HUNK: variants seen among roughly 807,000 people sequenced by gnomAD.
HUNK encodes hormonally up-regulated neu tumor-associated kinase.
In HUNK, 21 loss-of-function variants were observed where a neutral mutation model predicts 61.0. The ratio of observed to expected loss-of-function variants is 0.34; its 90% CI spans 0.24 to 0.50. The LOEUF (loss-of-function observed/expected upper bound fraction) is 0.50. HUNK is among the 20% of genes least tolerant of loss of function. HUNK has a pLI of 0.98. For synonymous variants in HUNK, 371 were observed against 386.1 expected, an observed-to-expected ratio of 0.96 and a Z score of 0.46; for missense variants, 772 against 945.7, an observed-to-expected ratio of 0.82 and a Z score of 2.41.
At chr21:31,875,466 G>A (rs1296102838) in intron 1 of HUNK, among the ~76,000 whole-genome samples, 1 of 152,196 alleles carries the variant, frequency 6.6e-6, no homozygotes, top group Non-Finnish European at 1.5e-5. Flanking sequence ...TGCAAAAAAG[G>A]AGCGTTCAGT....
intron 10 of HUNK, 122 bp downstream of exon 10, chr21:31,996,070 A>G: frequency 1.3e-6 from 1 of 778,670 alleles, no homozygotes; most frequent in Non-Finnish European, 2.0e-6. Context: ...CCCACAGAAA[A>G]GCAGGATTAA....
chr21:31,953,190 C>T lies in HUNK; in HGVS notation c.747-5653C>T, dbSNP rs549900257. 2.0e-5 allele frequency among the ~76,000 whole-genome samples: 3 copies of T among 151,286 alleles called. No homozygotes were observed. In the East Asian group the frequency reaches 5.8e-4, roughly 29 times the overall value. On this transcript the variant is annotated intron_variant, in intron 4 of 10. Coordinates refer to ENST00000270112, the MANE Select transcript of HUNK (RefSeq NM_014586.2). ...AATTAAGATGCTTAATCTGGTTTCC[C>T]TTTTTAAAATCTCCTAGCTAGGAGT...
chr21:31,881,816 C>T (rs186739149), intron 1 of HUNK, among the ~76,000 whole-genome samples: 236 of 152,316 alleles, frequency 1.5e-3, no homozygotes, highest in South Asian at 3.7e-3. Flanking sequence ...AATGAGGGAG[C>T]AGCCGGCGTG....
intron 5 of HUNK, among the ~76,000 whole-genome samples, chr21:31,960,639 G>C (rs558249164): frequency 1.3e-5 from 2 of 152,294 alleles, no homozygotes; most frequent in East Asian, 1.9e-4. Flanking sequence ...AGAGCAAAGG[G>C]ACATCTTAGA....
At chr21:31,893,720 ATTAGTATG>A (rs896442886) in intron 1 of HUNK, among the ~76,000 whole-genome samples, 2 of 152,222 alleles carry the variant, frequency 1.3e-5, no homozygotes, top group South Asian at 2.1e-4. Context: ...GAGTTACCAG[ATTAGTATG>A]GTTTGAGAAA....
chr21:31,988,912 C>G (rs1002102245), intron 8 of HUNK, among the ~76,000 whole-genome samples: 2 of 151,594 alleles, frequency 1.3e-5, no homozygotes, highest in African/African-American at 2.4e-5. Context: ...TTCATTTCAG[C>G]CTTGACCTCC....
At chr21:31,931,094 A>G (rs546017557) in intron 2 of HUNK, among the ~76,000 whole-genome samples, 1 of 141,902 alleles carries the variant, frequency 7.0e-6, no homozygotes, top group East Asian at 2.0e-4. Flanking sequence ...AAAAAAAATC[A>G]TGTTCCCTGC....
chr21:31,941,293 TTTC>T (rs1447626351), intron 3 of HUNK, among the ~76,000 whole-genome samples: 2 of 151,370 alleles, frequency 1.3e-5, no homozygotes, highest in Non-Finnish European at 2.9e-5. Flanking sequence ...AGGATTTTCT[TTTC>T]TTTTCTCTCT....
At chr21:31,981,547 A>C (rs903684111) in intron 7 of HUNK, among the ~76,000 whole-genome samples, 3 of 152,136 alleles carry the variant, frequency 2.0e-5, no homozygotes, top group Non-Finnish European at 2.9e-5. Context: ...TCAGTGTCTT[A>C]TAGTTTTCAG....
rs140666537 is a variant in HUNK, at chr21:31,946,623, G to GTT, written c.746+460_746+461dup. 4.3e-3 allele frequency among the ~76,000 whole-genome samples: 652 copies of GTT among 150,800 alleles called. 3 individuals carry two copies. The highest frequency in any genetic ancestry group is 0.014 in the Middle Eastern group (4 of 290). On this transcript the variant is annotated intron_variant, in intron 4 of 10. Coordinates refer to ENST00000270112, the MANE Select transcript of HUNK (RefSeq NM_014586.2). Reference sequence around the variant, plus strand: ...TTTTGTCGCTCCCACCTCTGGGCTTGTTTTTTTTTGAGGCAGAGTCTTTCT... The same window carrying GTT: ...TTTTGTCGCTCCCACCTCTGGGCTTGTTTTTTTTTTTGAGGCAGAGTCTTTCT...
intron 3 of HUNK, among the ~76,000 whole-genome samples, chr21:31,944,782 ATATT>A (rs1185962324): frequency 6.6e-6 from 1 of 152,190 alleles, no homozygotes; most frequent in Non-Finnish European, 1.5e-5. Context: ...AGTCTGGGTG[ATATT>A]TAGAGTCTTC....
intron 10 of HUNK, among the ~76,000 whole-genome samples, chr21:31,996,428 C>G (rs1358247869): frequency 6.6e-6 from 1 of 152,166 alleles, no homozygotes; most frequent in African/African-American, 2.4e-5. Flanking sequence ...TTTGTAAGGC[C>G]TCCCACCTGT....
intron 1 of HUNK, among the ~76,000 whole-genome samples, chr21:31,901,275 T>C (rs1183757973): frequency 6.6e-6 from 1 of 152,140 alleles, no homozygotes; most frequent in Non-Finnish European, 1.5e-5. Context: ...CTGGGGTGTG[T>C]CTGCTGGGTG....
At chr21:31,916,600 G>A (rs1284691224) in intron 1 of HUNK, among the ~76,000 whole-genome samples, 1 of 151,948 alleles carries the variant, frequency 6.6e-6, no homozygotes, top group Non-Finnish European at 1.5e-5. Flanking sequence ...TCCTGTGTTG[G>A]GGAGAGCAGT....
At chr21:31,920,131 C>G (rs947063346) in intron 1 of HUNK, among the ~76,000 whole-genome samples, 2 of 152,186 alleles carry the variant, frequency 1.3e-5, no homozygotes, top group Non-Finnish European at 2.9e-5. Flanking sequence ...GCCCCTCACC[C>G]CAATGTCTGC....
intron 2 of HUNK, among the ~76,000 whole-genome samples, chr21:31,930,451 C>G (rs2052688826): frequency 6.6e-6 from 1 of 152,198 alleles, no homozygotes; most frequent in African/African-American, 2.4e-5. Flanking sequence ...TTGCACTGCC[C>G]TTGTTGGCTT....
At chr21:31,975,045 T>G (rs966875969) in intron 7 of HUNK, among the ~76,000 whole-genome samples, 1 of 152,132 alleles carries the variant, frequency 6.6e-6, no homozygotes, top group African/African-American at 2.4e-5. Flanking sequence ...TTCCCCATGT[T>G]GGAGGCATTG....
intron 2 of HUNK, among the ~76,000 whole-genome samples, chr21:31,926,781 C>T (rs552923809): frequency 3.9e-5 from 6 of 152,068 alleles, no homozygotes; most frequent in African/African-American, 9.6e-5. Flanking sequence ...CTGCTATGAG[C>T]GCTGTTTTCA....
At chr21:31,987,940 G>T (rs2053145198) in intron 8 of HUNK, among the ~76,000 whole-genome samples, 1 of 152,194 alleles carries the variant, frequency 6.6e-6, no homozygotes, top group South Asian at 2.1e-4. Context: ...GTGGCCCAGG[G>T]CTCGTGTCCC....
Sources: gnomAD v4.1 joint callset for allele counts (sites outside exome capture counted in the v4.1 genomes callset) on GRCh38, gnomAD v4.1.1 for gene constraint, MANE v1.5 for transcripts, NCBI Gene and HGNC (gene_info 2026-07-23, HGNC 2026-07-21) for gene names.